Variants in PIP4K2A observed in about 807,000 individuals in gnomAD.
PIP4K2A encodes the protein phosphatidylinositol-5-phosphate 4-kinase type 2 alpha, also known as phosphatidylinositol 5-phosphate 4-kinase type-2 alpha.
A neutral mutation model predicts 42.9 loss-of-function variants in PIP4K2A; 14 were observed. The ratio of observed to expected loss-of-function variants is 0.33; its 90% CI spans 0.22 to 0.51. The LOEUF (loss-of-function observed/expected upper bound fraction) is 0.51. Among genes scored for constraint, PIP4K2A ranks in the 20% least tolerant of loss-of-function variants. The pLI is 0.97. For synonymous variants in PIP4K2A, 192 were observed against 192.2 expected, an observed-to-expected ratio of 1.00 and a Z score of 0.01; for missense variants, 434 against 519.8, an observed-to-expected ratio of 0.83 and a Z score of 1.61.
At chr10:22,627,457 T>C (rs951941907) in intron 1 of PIP4K2A, among the ~76,000 whole-genome samples, 1 of 151,902 alleles carries the variant, frequency 6.6e-6, no homozygotes, top group South Asian at 2.1e-4. Context: ...AATAGCGTAT[T>C]AGTTTCTTTA....
intron 6 of PIP4K2A, among the ~76,000 whole-genome samples, chr10:22,551,465 G>A (rs1161087797): frequency 6.6e-6 from 1 of 152,168 alleles, no homozygotes; most frequent in Non-Finnish European, 1.5e-5. Flanking sequence ...TAAGTAAACT[G>A]CACTTATGGC....
At chr10:22,618,664 C>A (rs1258925684) in intron 1 of PIP4K2A, among the ~76,000 whole-genome samples, 1 of 152,156 alleles carries the variant, frequency 6.6e-6, no homozygotes, top group African/African-American at 2.4e-5. Context: ...GCTATCTGCA[C>A]ACAATTTATT....
intron 1 of PIP4K2A, among the ~76,000 whole-genome samples, chr10:22,707,724 T>TC (rs558759412): frequency 2.0e-5 from 3 of 152,034 alleles, no homozygotes; most frequent in East Asian, 1.9e-4. Context: ...CTATGCGTGT[T>TC]CCCCCCCAAG....
At chr10:22,547,993 C>T (rs904764584) in intron 7 of PIP4K2A, among the ~76,000 whole-genome samples, 6 of 152,102 alleles carry the variant, frequency 3.9e-5, no homozygotes, top group Non-Finnish European at 8.8e-5. Context: ...ATCTCCTACT[C>T]GAGGCATTAA....
At chr10:22,616,474 T>C (rs1019170045) in intron 1 of PIP4K2A, among the ~76,000 whole-genome samples, 13 of 152,132 alleles carry the variant, frequency 8.5e-5, no homozygotes, top group Non-Finnish European at 1.6e-4. Flanking sequence ...TATTAAACAG[T>C]AGAGCTGTAC....
At chr10:22,683,872 CACAA>C (rs1839711169) in intron 1 of PIP4K2A, among the ~76,000 whole-genome samples, 1 of 148,692 alleles carries the variant, frequency 6.7e-6, no homozygotes, top group Admixed American at 6.7e-5. Context: ...CACACACACA[CACAA>C]TTCAAAGTGT....
chr10:22,642,964 G>A (rs1373625345), intron 1 of PIP4K2A, among the ~76,000 whole-genome samples: 1 of 152,104 alleles, frequency 6.6e-6, no homozygotes, highest in Non-Finnish European at 1.5e-5. Context: ...TGGAGATGAG[G>A]AGAAGCTCAT....
intron 4 of PIP4K2A, among the ~76,000 whole-genome samples, chr10:22,587,444 G>C (rs1005285524): frequency 6.6e-6 from 1 of 152,200 alleles, no homozygotes; most frequent in Non-Finnish European, 1.5e-5. Flanking sequence ...AAGAAATGAT[G>C]ATCACTACTG....
Position 22,535,978 on chromosome 10 carries a change from A to C in PIP4K2A, c.*1223T>G. The C allele has an allele frequency of 2.5e-6, 1 of 396,288 alleles. No homozygotes were observed. Among genetic ancestry groups the C allele is most frequent in the East Asian group, 3.6e-5 (1 of 27,984 alleles). The allele number at this position is 396,288 out of a possible 1,614,324, so 24.5% of individuals were successfully genotyped here. On this transcript the variant is annotated 3_prime_UTR_variant, in exon 10 of 10. Transcript: ENST00000376573. ...TCACGTAAAAACATGGCTGCAGGAT[A>C]CGTCTCAAAATATGACAAACGTTAT... is the stretch of plus-strand genomic sequence containing the variant.
Position 22,664,194 on chromosome 10 carries a change from TATATATATACATATATATATATAC to T in PIP4K2A, c.144+49965_144+49988del, listed in dbSNP as rs1564460302. ...ATATATATATATACATATATATACA[TATATATATACATATATATATATAC>T]ATATATATATACACACACACACACA... On this transcript the variant is annotated intron_variant, in intron 1 of 9. Transcript: ENST00000376573. Among the ~76,000 whole-genome samples the T allele has an allele frequency of 3.8e-4, 25 of 66,160 alleles. 6 individuals are homozygous for T. The highest frequency in any genetic ancestry group is 2.9e-3 in the African/African-American group (25 of 8,680). The allele number at this position is 66,160 out of a possible 152,430, so 43.4% of individuals were successfully genotyped here.
At position 22,536,213 on chromosome 10, in the gene PIP4K2A, G is replaced by A. The variant is rs1189775351; in HGVS notation, c.*988C>T. 2 of 397,488 alleles carry A rather than the reference G, an allele frequency of 5.0e-6. No homozygotes were observed. The highest frequency in any genetic ancestry group is 4.1e-5 in the African/African-American group (2 of 48,590). The allele number at this position is 397,488 out of a possible 1,614,324, so 24.6% of individuals were successfully genotyped here. On this transcript the variant is annotated 3_prime_UTR_variant, in exon 10 of 10. Coordinates refer to ENST00000376573, the MANE Select transcript of PIP4K2A (RefSeq NM_005028.5). ...AATTCAGATCTGCATTTGGTAACAG[G>A]AGAATTGAGAGTTTTGATGCTTTGC...
intron 4 of PIP4K2A, among the ~76,000 whole-genome samples, chr10:22,581,183 C>A (rs992283317): frequency 1.3e-4 from 20 of 152,140 alleles, no homozygotes; most frequent in African/African-American, 4.3e-4. Flanking sequence ...CCTGGTGGCA[C>A]AATGCTCACC....
chr10:22,651,320 G>A (rs997196509), intron 1 of PIP4K2A, among the ~76,000 whole-genome samples: 1 of 152,104 alleles, frequency 6.6e-6, no homozygotes, highest in African/African-American at 2.4e-5. Context: ...ACTATTCCCA[G>A]CCTCAAAAGA....
chr10:22,636,805 A>G (rs1620658), intron 1 of PIP4K2A, among the ~76,000 whole-genome samples: 13,330 of 152,226 alleles, frequency 0.088, 1,068 homozygotes, highest in African/African-American at 0.21. Context: ...TGACTCTGGT[A>G]CTGGCCGCGA....
chr10:22,572,494 T>A (rs1837013459), intron 5 of PIP4K2A, among the ~76,000 whole-genome samples: 1 of 152,000 alleles, frequency 6.6e-6, no homozygotes, highest in East Asian at 1.9e-4. Context: ...GGTGCGTGCC[T>A]GTGGTCCCAG....
At chr10:22,708,726 A>G (rs1169841804) in intron 1 of PIP4K2A, among the ~76,000 whole-genome samples, 3 of 152,138 alleles carry the variant, frequency 2.0e-5, no homozygotes, top group Non-Finnish European at 4.4e-5. Context: ...AGTATGATAA[A>G]TGCACAGTCT....
intron 1 of PIP4K2A, among the ~76,000 whole-genome samples, chr10:22,623,894 A>C (rs1017670186): frequency 1.3e-5 from 2 of 152,248 alleles, no homozygotes; most frequent in African/African-American, 2.4e-5. Context: ...ATGAGGTCAA[A>C]GCACTGATGA....
chr10:22,704,445 C>T (rs541305700), intron 1 of PIP4K2A, among the ~76,000 whole-genome samples: 4 of 152,068 alleles, frequency 2.6e-5, no homozygotes, highest in Admixed American at 1.3e-4. Flanking sequence ...GGTACGGTGT[C>T]TCTATAGAAA....
Position 22,651,445 on chromosome 10 carries a change from T to G in PIP4K2A, c.145-41728A>C, listed in dbSNP as rs552166547. On this transcript the variant is annotated intron_variant, in intron 1 of 9. Coordinates refer to ENST00000376573, the MANE Select transcript of PIP4K2A (RefSeq NM_005028.5). ...CTTTCACTCCGATCACCCCGGCCTT[T>G]GCTCTGTTCTCCCAGCGAGCCTGGG... 4.6e-5 allele frequency among the ~76,000 whole-genome samples: 7 copies of G among 152,326 alleles called. No individual in the cohort carries two copies. The South Asian group carries it at 1.4e-3, about 32-fold the overall frequency.
Sources: allele counts gnomAD v4.1 joint callset (sites outside exome capture counted in the v4.1 genomes callset), GRCh38; gene constraint gnomAD v4.1.1; transcripts MANE v1.5; gene names NCBI Gene and HGNC (gene_info 2026-07-23, HGNC 2026-07-21).